SUGCT: variants seen among roughly 807,000 people sequenced by gnomAD.
SUGCT encodes the protein succinyl-CoA:glutarate CoA-transferase.
In SUGCT, 41 loss-of-function variants were observed where a neutral mutation model predicts 55.0. The ratio of observed to expected loss-of-function variants is 0.74; its 90% CI spans 0.58 to 0.97. The LOEUF is 0.97. Among genes scored for constraint, SUGCT ranks in the 50% least tolerant of loss-of-function variants. The pLI is 0.00. For missense variants in SUGCT, 568 were observed against 547.8 expected, an observed-to-expected ratio of 1.04 and a Z score of -0.37; for synonymous variants, 187 against 200.4, an observed-to-expected ratio of 0.93 and a Z score of 0.56.
At chr7:40,737,578 A>C (rs1787228198) in intron 12 of SUGCT, among the ~76,000 whole-genome samples, 1 of 152,242 alleles carries the variant, frequency 6.6e-6, no homozygotes, top group Non-Finnish European at 1.5e-5. Context: ...CATTATGAAA[A>C]ATTTACAGAG....
the SUGCT span, among the ~76,000 whole-genome samples, chr7:41,012,350 C>T: frequency 7.9e-5 from 12 of 152,270 alleles, no homozygotes; most frequent in African/African-American, 9.6e-5. Flanking sequence ...AATGGCTAAA[C>T]GCAGTGGTTC....
the SUGCT span, among the ~76,000 whole-genome samples, chr7:40,932,341 C>T: frequency 4.1e-3 from 631 of 152,152 alleles, 2 homozygotes; most frequent in African/African-American, 0.013. Flanking sequence ...GCTTTACTTC[C>T]AACTATGTGG....
At chr7:40,587,343 G>C (rs1413125051) in intron 12 of SUGCT, among the ~76,000 whole-genome samples, 2 of 152,166 alleles carry the variant, frequency 1.3e-5, no homozygotes, top group African/African-American at 4.8e-5. Context: ...CTTACAAGTA[G>C]ATCCAAGTTT....
the SUGCT span, among the ~76,000 whole-genome samples, chr7:40,960,001 C>T: frequency 6.6e-6 from 1 of 152,144 alleles, no homozygotes; most frequent in East Asian, 1.9e-4. Flanking sequence ...CTATGGGCTG[C>T]ACCCACTGTC....
At chr7:40,378,504 G>T (rs2151275859) in intron 9 of SUGCT, among the ~76,000 whole-genome samples, 1 of 152,226 alleles carries the variant, frequency 6.6e-6, no homozygotes, top group East Asian at 1.9e-4. Flanking sequence ...ATGGAGTCTT[G>T]CTCTGTCACC....
chr7:40,850,307 C>T (rs145904872), intron 13 of SUGCT, among the ~76,000 whole-genome samples: 3 of 152,280 alleles, frequency 2.0e-5, no homozygotes, highest in East Asian at 1.9e-4. Context: ...GGCTTCCCTT[C>T]GGTCTCTCAG....
At chr7:40,704,307 G>A (rs1002784302) in intron 12 of SUGCT, among the ~76,000 whole-genome samples, 7 of 152,176 alleles carry the variant, frequency 4.6e-5, no homozygotes, top group African/African-American at 1.7e-4. Flanking sequence ...CAAGGATTTT[G>A]TGAGGATTAT....
At chr7:40,835,923 C>T (rs1292631524) in intron 13 of SUGCT, among the ~76,000 whole-genome samples, 3 of 142,038 alleles carry the variant, frequency 2.1e-5, no homozygotes, top group Non-Finnish European at 4.5e-5. Context: ...GACAGGGTCT[C>T]ACTCTGTCAC....
chr7:40,396,577 T>A lies in SUGCT; in HGVS notation c.817-52710T>A, dbSNP rs575098326. On this transcript the variant is annotated intron_variant, in intron 9 of 13. Transcript: ENST00000335693. ...TGCCGATTTACTTCCCATTTGACTC[T>A]GGTAAGAGTAAGATTAATAATGGGA... Among the ~76,000 whole-genome samples the A allele has an allele frequency of 1.5e-4, 23 of 152,312 alleles. No homozygotes were observed. The South Asian group carries it at 4.1e-3, about 27-fold the overall frequency.
intron 9 of SUGCT, among the ~76,000 whole-genome samples, chr7:40,333,362 C>A (rs1050707724): frequency 1.3e-5 from 2 of 151,594 alleles, no homozygotes; most frequent in African/African-American, 2.4e-5. Flanking sequence ...AGTGGCCGGG[C>A]GTGGTGGCTC....
At chr7:40,290,886 C>G (rs939652867) in intron 8 of SUGCT, among the ~76,000 whole-genome samples, 1 of 152,074 alleles carries the variant, frequency 6.6e-6, no homozygotes, top group Non-Finnish European at 1.5e-5. Context: ...ATTTACGCAG[C>G]CAAAAAACAC....
chr7:40,634,205 C>T (rs139917812), intron 12 of SUGCT, among the ~76,000 whole-genome samples: 126 of 152,246 alleles, frequency 8.3e-4, no homozygotes, highest in Non-Finnish European at 1.5e-3. Flanking sequence ...TTCTGCTGAA[C>T]AAAAACACAG....
chr7:40,778,941 C>T (rs1789592719), intron 13 of SUGCT, among the ~76,000 whole-genome samples: 1 of 152,162 alleles, frequency 6.6e-6, no homozygotes, highest in Non-Finnish European at 1.5e-5. Flanking sequence ...CTTTCAGCCA[C>T]CTCAGGAATG....
chr7:40,945,523 A>G, the SUGCT span, among the ~76,000 whole-genome samples: 1 of 152,150 alleles, frequency 6.6e-6, no homozygotes, highest in Non-Finnish European at 1.5e-5. Context: ...TATGTCTGCA[A>G]TGGTGGGTGA....
At chr7:40,339,165 G>A (rs988658096) in intron 9 of SUGCT, among the ~76,000 whole-genome samples, 8 of 152,192 alleles carry the variant, frequency 5.3e-5, no homozygotes, top group African/African-American at 1.4e-4. Context: ...CTACTGGGGG[G>A]TACCTCCCAG....
intron 13 of SUGCT, among the ~76,000 whole-genome samples, chr7:40,791,484 C>T (rs1790307123): frequency 6.6e-6 from 1 of 152,138 alleles, no homozygotes; most frequent in Admixed American, 6.5e-5. Flanking sequence ...TGGATGTATT[C>T]TAGTGATCAG....
chr7:40,279,386 G>T (rs957765311), intron 8 of SUGCT, among the ~76,000 whole-genome samples: 3 of 152,122 alleles, frequency 2.0e-5, no homozygotes, highest in African/African-American at 7.2e-5. Flanking sequence ...GTGTGGCTGA[G>T]ACTGGGGGAC....
the SUGCT span, among the ~76,000 whole-genome samples, chr7:40,866,871 C>T: frequency 2.6e-5 from 4 of 151,958 alleles, no homozygotes; most frequent in Admixed American, 6.6e-5. Flanking sequence ...ACGATCCAAA[C>T]TCGATGTTTT....
At chr7:40,667,390 G>A (rs1801702228) in intron 12 of SUGCT, among the ~76,000 whole-genome samples, 1 of 152,090 alleles carries the variant, frequency 6.6e-6, no homozygotes, top group South Asian at 2.1e-4. Context: ...TCATCGGGGT[G>A]TTGGCCTGTA....
Sources: gnomAD v4.1 joint callset for allele counts (sites outside exome capture counted in the v4.1 genomes callset) on GRCh38, gnomAD v4.1.1 for gene constraint, MANE v1.5 for transcripts, NCBI Gene and HGNC (gene_info 2026-07-23, HGNC 2026-07-21) for gene names.